Variants in ZNF892 observed in about 807,000 individuals in gnomAD.
ZNF892 encodes zinc finger protein 892, also known as zinc finger protein 570-like.
the ZNF892 span, among the ~76,000 whole-genome samples, chr2:95,261,811 C>T: frequency 6.6e-6 from 1 of 152,150 alleles, no homozygotes; most frequent in Non-Finnish European, 1.5e-5. Context: ...GGCCTGGGGA[C>T]CTCCAGGCAG....
chr2:95,207,596 C>T, the ZNF892 span: 1 of 388,550 alleles, frequency 2.6e-6, no homozygotes, highest in Non-Finnish European at 4.5e-6. Context: ...GCTCGGCTTC[C>T]TCAGTGTGTG....
the ZNF892 span, among the ~76,000 whole-genome samples, chr2:95,228,038 C>T: frequency 6.6e-6 from 1 of 152,232 alleles, no homozygotes; most frequent in East Asian, 1.9e-4. Context: ...GCTCCCTGTC[C>T]AATTTCCAAT....
At chr2:95,212,856 G>T in the ZNF892 span, among the ~76,000 whole-genome samples, 1 of 152,210 alleles carries the variant, frequency 6.6e-6, no homozygotes, top group Admixed American at 6.5e-5. Flanking sequence ...TACTGTTTTG[G>T]TGGTGATCAA....
chr2:95,214,195 G>C, the ZNF892 span: 2 of 395,010 alleles, frequency 5.1e-6, no homozygotes, highest in South Asian at 1.4e-4. Flanking sequence ...GACTATTTTT[G>C]AGAGCTTTCA....
At chr2:95,227,159 T>A in the ZNF892 span, among the ~76,000 whole-genome samples, 2 of 127,592 alleles carry the variant, frequency 1.6e-5, no homozygotes, top group Non-Finnish European at 3.2e-5. Flanking sequence ...CCTTCCTTCC[T>A]TCTTTCCTTC....
chr2:95,259,866 A>T, the ZNF892 span: 2 of 152,164 alleles, frequency 1.3e-5, no homozygotes, highest in Non-Finnish European at 2.9e-5. Context: ...TTTCCTGGAG[A>T]GAGAGTCCTA....
At chr2:95,253,679 T>C in the ZNF892 span, among the ~76,000 whole-genome samples, 1 of 152,220 alleles carries the variant, frequency 6.6e-6, no homozygotes, top group African/African-American at 2.4e-5. Flanking sequence ...TTGGGCAGTA[T>C]GGGCATTTTC....
the ZNF892 span, among the ~76,000 whole-genome samples, chr2:95,226,482 G>A: frequency 6.6e-6 from 1 of 152,154 alleles, no homozygotes; most frequent in African/African-American, 2.4e-5. Context: ...TTTAAAGACA[G>A]TGTCCTACTT....
the ZNF892 span, among the ~76,000 whole-genome samples, chr2:95,236,520 A>G: frequency 6.6e-6 from 1 of 152,232 alleles, no homozygotes; most frequent in Non-Finnish European, 1.5e-5. Context: ...TTGGATTAGC[A>G]GTTTTCTGAA....
the ZNF892 span, among the ~76,000 whole-genome samples, chr2:95,253,758 A>C: frequency 2.6e-5 from 4 of 151,940 alleles, no homozygotes; most frequent in Non-Finnish European, 4.4e-5. Flanking sequence ...CTTTTATTTC[A>C]TTGTGCAGTG....
the ZNF892 span, among the ~76,000 whole-genome samples, chr2:95,235,912 A>T: frequency 6.6e-6 from 1 of 152,170 alleles, no homozygotes; most frequent in Admixed American, 6.5e-5. Context: ...GTACTGTTCA[A>T]CGCCTCCCCA....
chr2:95,223,441 G>C, the ZNF892 span, among the ~76,000 whole-genome samples: 4 of 152,212 alleles, frequency 2.6e-5, no homozygotes, highest in Non-Finnish European at 5.9e-5. Context: ...TCTCACCCAG[G>C]CTGGAGTACA....
the ZNF892 span, among the ~76,000 whole-genome samples, chr2:95,211,244 A>T: frequency 2.6e-5 from 4 of 152,260 alleles, no homozygotes; most frequent in Admixed American, 1.3e-4. Flanking sequence ...TTTAAAAACT[A>T]TACCATAAGG....
chr2:95,246,015 A>G, the ZNF892 span, among the ~76,000 whole-genome samples: 9 of 152,232 alleles, frequency 5.9e-5, no homozygotes, highest in Non-Finnish European at 1.0e-4. Context: ...AACTCATTCT[A>G]TGAGGCCAGC....
chr2:95,229,001 C>G, the ZNF892 span, among the ~76,000 whole-genome samples: 1 of 152,190 alleles, frequency 6.6e-6, no homozygotes, highest in African/African-American at 2.4e-5. Context: ...CCTCCCTCCC[C>G]ACTTGCAGTC....
chr2:95,255,992 T>C, the ZNF892 span, among the ~76,000 whole-genome samples: 10 of 152,308 alleles, frequency 6.6e-5, no homozygotes, highest in Admixed American at 5.9e-4. Flanking sequence ...TGAGATTGGT[T>C]TCCTGAATAC....
chr2:95,207,358 G>C, the ZNF892 span, among the ~76,000 whole-genome samples: 1 of 152,212 alleles, frequency 6.6e-6, no homozygotes, highest in African/African-American at 2.4e-5. Flanking sequence ...TTCCAGAGTC[G>C]CTGGCAGGGT....
the ZNF892 span, among the ~76,000 whole-genome samples, chr2:95,238,180 A>G: frequency 6.6e-6 from 1 of 152,236 alleles, no homozygotes; most frequent in Non-Finnish European, 1.5e-5. Flanking sequence ...AGAGAAGTCA[A>G]TGTGTGGCTT....
chr2:95,237,171 A>G, the ZNF892 span, among the ~76,000 whole-genome samples: 1 of 145,474 alleles, frequency 6.9e-6, no homozygotes, highest in African/African-American at 2.6e-5. Flanking sequence ...TTTTGAGACT[A>G]GAGTCTCCCT....
Sources: gnomAD v4.1 joint callset for allele counts (sites outside exome capture counted in the v4.1 genomes callset) on GRCh38, gnomAD v4.1.1 for gene constraint, MANE v1.5 for transcripts, NCBI Gene and HGNC (gene_info 2026-07-23, HGNC 2026-07-21) for gene names.